IQCH: variants seen among roughly 807,000 people sequenced by gnomAD.
IQCH encodes the protein IQ domain-containing protein H.
IQCH carries 98 observed loss-of-function variants against 117.0 expected under a neutral mutation model. The observed-to-expected ratio is 0.84, with a 90% CI of 0.71 to 0.99. IQCH has a LOEUF of 0.99. Ranked by LOEUF, IQCH falls within the 50% of genes least tolerant of loss-of-function variation. The probability of loss-of-function intolerance (pLI) is 0.00; values close to 1 mark genes in which losing one functional copy is unlikely to be tolerated. For synonymous variants in IQCH, 412 were observed against 448.2 expected, an observed-to-expected ratio of 0.92 and a Z score of 1.02; for missense variants, 1,102 against 1,243.8, an observed-to-expected ratio of 0.89 and a Z score of 1.72.
Position 67,490,142 on chromosome 15 carries a change from A to C in IQCH, c.2861+78A>C. The C allele has an allele frequency of 6.7e-5, 62 of 929,488 alleles. No homozygotes were observed. The highest frequency in any genetic ancestry group is 8.9e-5 in the Non-Finnish European group (51 of 572,178). The allele number at this position is 929,488 out of a possible 1,614,324, so 57.6% of individuals were successfully genotyped here. ...ACAACTAACAAGAATGATGCTTCTC[A>C]TGCATTTTAATCAGCATGCTGATTT... On this transcript the variant is annotated intron_variant, in intron 19 of 20. Coordinates refer to ENST00000335894, the MANE Select transcript of IQCH (RefSeq NM_001031715.3). This position sits in a 1 kb window ranked among gnomAD's most constrained non-coding sequence, Gnocchi z 4.9.
At chr15:67,418,265 G>T (rs2081626452) in intron 15 of IQCH, among the ~76,000 whole-genome samples, 1 of 152,052 alleles carries the variant, frequency 6.6e-6, no homozygotes, top group Non-Finnish European at 1.5e-5. Context: ...GTTGGTTATT[G>T]GAATATACTG....
At position 67,380,443 on chromosome 15, in the gene IQCH, C is replaced by A. The variant is rs915229358; in HGVS notation, c.1373-4493C>A. ...GCAATTGATATACTATATAAATAAC[C>A]CAGATAGAGCTGTTTCTTGCCATCT... On this transcript the variant is annotated intron_variant, in intron 10 of 20. Transcript: ENST00000335894. 2.6e-5 allele frequency among the ~76,000 whole-genome samples: 4 copies of A among 152,242 alleles called. No individual in the cohort carries two copies. The South Asian group carries it at 8.3e-4, about 32-fold the overall frequency.
rs893114938 is a variant in IQCH at position 67,385,198 on chromosome 15, G to A, written c.1456+179G>A. 1.3e-5 allele frequency among the ~76,000 whole-genome samples: 2 copies of A among 152,072 alleles called. No homozygotes were observed. The highest frequency in any genetic ancestry group is 4.8e-5 in the African/African-American group (2 of 41,422). On this transcript the variant is annotated intron_variant, in intron 11 of 20. Transcript: ENST00000335894. This position sits in a 1 kb window ranked among gnomAD's most constrained non-coding sequence, Gnocchi z 4.6. ...TTTTATTTTAAAAAACATATTTGTAGTAAAATCAACTTGAATAAAAAATGA... is the reference window on the plus strand; with the variant it reads ...TTTTATTTTAAAAAACATATTTGTAATAAAATCAACTTGAATAAAAAATGA...
At chr15:67,319,678 C>T (rs1968020487) in intron 4 of IQCH, among the ~76,000 whole-genome samples, 1 of 152,180 alleles carries the variant, frequency 6.6e-6, no homozygotes, top group Non-Finnish European at 1.5e-5. Context: ...AAATATGCAA[C>T]CTGTCCTCAT....
chr15:67,382,171 C>G (rs1052527470), intron 10 of IQCH, among the ~76,000 whole-genome samples: 12 of 151,928 alleles, frequency 7.9e-5, no homozygotes, highest in Non-Finnish European at 1.8e-4. Context: ...TATGTAACGA[C>G]AAAATGAGAA....
At chr15:67,318,128 C>T (rs1967936836) in intron 4 of IQCH, among the ~76,000 whole-genome samples, 1 of 152,170 alleles carries the variant, frequency 6.6e-6, no homozygotes, top group African/African-American at 2.4e-5. Context: ...TCAGTCCCTC[C>T]ACCTAGAGAT....
intron 16 of IQCH, among the ~76,000 whole-genome samples, chr15:67,439,903 A>T (rs1282891942): frequency 1.3e-5 from 2 of 151,918 alleles, no homozygotes; most frequent in Non-Finnish European, 2.9e-5. Flanking sequence ...AAAAAAAAAA[A>T]AAATACAAAC....
intron 4 of IQCH, among the ~76,000 whole-genome samples, chr15:67,306,068 TA>T (rs1426495257): frequency 6.6e-6 from 1 of 152,134 alleles, no homozygotes; most frequent in Non-Finnish European, 1.5e-5. Context: ...ACATTGTGTA[TA>T]TTTTTTTCAA....
chr15:67,254,926 T>C lies in IQCH; in HGVS notation c.30T>C (p.Pro10=), dbSNP rs769739034. 6.2e-7 allele frequency: 1 copy of C among 1,613,824 alleles called. No homozygotes were observed. Among genetic ancestry groups the C allele is most frequent in the Non-Finnish European group, 8.5e-7 (1 of 1,179,808 alleles). The change falls in exon 1 of 21, where the codon CCT becomes CCC. Residue 10 remains proline (P), a synonymous_variant. Transcript: ENST00000335894. ...CACAGAACACTGAAAACCACGACCC[T>C]GTCGGATCCATCTTAATCCAGGTGG... MAQNTENHD[P]VGSILIQIHE... is the part of the protein sequence containing the mutation.
rs916610506 is a variant in IQCH at position 67,493,290 on chromosome 15, C to T, written c.2862-968C>T. 2.0e-5 allele frequency among the ~76,000 whole-genome samples: 3 copies of T among 152,176 alleles called. No individual in the cohort carries two copies. Among genetic ancestry groups the T allele is most frequent in the African/African-American group, 4.8e-5 (2 of 41,454 alleles). The stretch of plus-strand genomic sequence containing the variant: ...GAGAGGGGCAATGATTTGCCTGGGT[C>T]ACACAGTAGGTGGTCTGTCTCCTGA... On this transcript the variant is annotated intron_variant, in intron 19 of 20. Coordinates refer to ENST00000335894, the MANE Select transcript of IQCH (RefSeq NM_001031715.3). This position sits in a 1 kb window ranked among gnomAD's most constrained non-coding sequence, Gnocchi z 5.1.
intron 15 of IQCH, 26 bp from the exon 16 acceptor site, chr15:67,421,265 C>A: frequency 3.8e-6 from 6 of 1,599,172 alleles, no homozygotes; most frequent in Non-Finnish European, 5.1e-6. Context: ...TGTGTCCTTT[C>A]ACCTACTCCA....
In IQCH at chr15:67,417,745, A is replaced by G. The variant is rs566692135; in HGVS notation, c.2218+694A>G. Reference sequence around the variant, plus strand: ...CCTGTCAGATGTTACACAGAGGCACACCTATGCAACGGCCCTCAGTCTCTA... The same window carrying G: ...CCTGTCAGATGTTACACAGAGGCACGCCTATGCAACGGCCCTCAGTCTCTA... On this transcript the variant is annotated intron_variant, in intron 15 of 20. Coordinates refer to ENST00000335894, the MANE Select transcript of IQCH (RefSeq NM_001031715.3). This position sits in a 1 kb window ranked among gnomAD's most constrained non-coding sequence, Gnocchi z 4.3. Among the ~76,000 whole-genome samples the G allele has an allele frequency of 2.0e-5, 3 of 152,270 alleles. No individual in the cohort carries two copies. Among genetic ancestry groups the G allele is most frequent in the African/African-American group, 7.2e-5 (3 of 41,542 alleles).
intron 14 of IQCH, among the ~76,000 whole-genome samples, chr15:67,410,134 A>C (rs2081410231): frequency 2.0e-5 from 3 of 152,238 alleles, no homozygotes; most frequent in African/African-American, 7.2e-5. Context: ...TGCTGGCTTA[A>C]AACACCCATC....
At position 67,431,771 on chromosome 15, in the gene IQCH, T is replaced by C. The variant is rs74573117; in HGVS notation, c.2505+10194T>C. Among the ~76,000 whole-genome samples, 830 of 152,344 alleles carry C rather than the reference T, an allele frequency of 5.4e-3. 4 individuals carry two copies. Among genetic ancestry groups the C allele is most frequent in the African/African-American group, 0.019 (798 of 41,562 alleles). On this transcript the variant is annotated intron_variant, in intron 16 of 20. Coordinates refer to ENST00000335894, the MANE Select transcript of IQCH (RefSeq NM_001031715.3). The surrounding 1 kb of genome is among the most constrained non-coding windows in gnomAD (Gnocchi z 4.8). Reference sequence around the variant, plus strand: ...TTTTTAGATTGTAGCCTCTTGTTTCTTGAGGAGCATGGTGATCTGGCTTTT... The same window carrying C: ...TTTTTAGATTGTAGCCTCTTGTTTCCTGAGGAGCATGGTGATCTGGCTTTT...
chr15:67,290,229 A>T (rs1242553990), intron 4 of IQCH, among the ~76,000 whole-genome samples: 2 of 152,058 alleles, frequency 1.3e-5, no homozygotes, highest in African/African-American at 4.8e-5. Context: ...TACCTGAATG[A>T]TTATATAAAT....
intron 6 of IQCH, among the ~76,000 whole-genome samples, chr15:67,351,559 T>C (rs893924167): frequency 6.6e-6 from 1 of 152,222 alleles, no homozygotes; most frequent in Admixed American, 6.5e-5. Flanking sequence ...TAGGCGAACA[T>C]TCAACTTTAG....
intron 4 of IQCH, among the ~76,000 whole-genome samples, chr15:67,299,039 AG>A (rs1180754035): frequency 6.6e-6 from 1 of 151,948 alleles, no homozygotes; most frequent in Non-Finnish European, 1.5e-5. Flanking sequence ...AGATGAATAA[AG>A]AAAATGTGGC....
Position 67,359,471 on chromosome 15 carries a change from AAG to A in IQCH, c.715-372_715-371del, listed in dbSNP as rs1970041910. Among the ~76,000 whole-genome samples, 1 of 152,212 alleles carries A rather than the reference AAG, an allele frequency of 6.6e-6. No individual in the cohort carries two copies. The highest frequency in any genetic ancestry group is 1.9e-4 in the East Asian group (1 of 5,196). On this transcript the variant is annotated intron_variant, in intron 7 of 20. Coordinates refer to ENST00000335894, the MANE Select transcript of IQCH (RefSeq NM_001031715.3). The surrounding 1 kb of genome is among the most constrained non-coding windows in gnomAD (Gnocchi z 4.5). ...TCCTGGGCATGGAAGTTAAAAGGCTAAGAGAAGGACTTCAGTATGCCAAGCCT... is the reference window on the plus strand; with the variant it reads ...TCCTGGGCATGGAAGTTAAAAGGCTAAGAAGGACTTCAGTATGCCAAGCCT...
intron 4 of IQCH, among the ~76,000 whole-genome samples, chr15:67,280,442 C>T (rs376075606): frequency 6.6e-6 from 1 of 152,178 alleles, no homozygotes; most frequent in South Asian, 2.1e-4. Flanking sequence ...ATTCAAAGGT[C>T]AAGGTGCCGG....
Sources: gnomAD v4.1 joint callset for allele counts (sites outside exome capture counted in the v4.1 genomes callset) on GRCh38, gnomAD v4.1.1 for gene constraint, Gnocchi (gnomAD v3.1) non-coding constraint, MANE v1.5 for transcripts, NCBI Gene and HGNC (gene_info 2026-07-23, HGNC 2026-07-21) for gene names.